The following ZNF148 variants were observed in gnomAD, a reference collection of about 807,000 sequenced individuals.
The protein encoded by ZNF148 is Beta-Enolase Repressor Factor-1.
A neutral mutation model predicts 67.7 loss-of-function variants in ZNF148; 7 were observed. The ratio of observed to expected loss-of-function variants is 0.10; its 90% CI spans 0.06 to 0.19. The LOEUF (loss-of-function observed/expected upper bound fraction) is 0.19. Among genes scored for constraint, ZNF148 ranks in the 10% least tolerant of loss-of-function variants. The pLI, the probability that ZNF148 is intolerant of heterozygous loss-of-function variation, is 1.00. For missense variants in ZNF148, 583 were observed against 947.1 expected (o/e 0.62, Z 5.05); for synonymous variants, 333 against 330.7 (o/e 1.01, Z -0.08).
chr3:125,241,445 GA>G (rs1288776267), intron 7 of ZNF148, among the ~76,000 whole-genome samples: 1 of 151,560 alleles, frequency 6.6e-6, no homozygotes. Flanking sequence ...CAGGTTTCTT[GA>G]CACAACATAA....
intron 4 of ZNF148, among the ~76,000 whole-genome samples, chr3:125,289,785 A>G (rs1456266424): frequency 6.6e-6 from 1 of 152,204 alleles, no homozygotes; most frequent in Non-Finnish European, 1.5e-5. Flanking sequence ...TCTTTTTAGC[A>G]AGTGTCAAGA....
At chr3:125,322,741 C>T (rs1021120436) in intron 3 of ZNF148, among the ~76,000 whole-genome samples, 5 of 152,052 alleles carry the variant, frequency 3.3e-5, no homozygotes, top group Non-Finnish European at 7.4e-5. Context: ...ATATTTCTAC[C>T]TTTATAAGCC....
chr3:125,256,591 G>A (rs556299522), intron 7 of ZNF148, among the ~76,000 whole-genome samples: 6 of 152,220 alleles, frequency 3.9e-5, no homozygotes, highest in East Asian at 1.9e-4. Flanking sequence ...CAGAAGAATC[G>A]CTTGAACCCA....
Position 125,229,226 on chromosome 3 carries a change from G to A in ZNF148, c.*3115C>T, listed in dbSNP as rs1935754879. On this transcript the variant is annotated 3_prime_UTR_variant, in exon 9 of 9. Coordinates refer to ENST00000360647, the MANE Select transcript of ZNF148 (RefSeq NM_021964.3). ...GGCCTTTTTTTTTTTTTTTTAAACA[G>A]CCCTTTAAAAACCCAAATTAATCAA... 1 of 136,516 alleles carries A rather than the reference G, an allele frequency of 7.3e-6. No individual in the cohort carries two copies. Among genetic ancestry groups the A allele is most frequent in the African/African-American group, 2.8e-5 (1 of 36,170 alleles). The allele number at this position is 136,516 out of a possible 1,614,324, so 8.5% of individuals were successfully genotyped here.
In ZNF148 at chr3:125,232,090, G is replaced by A; in HGVS notation, c.*251C>T. The A allele has an allele frequency of 2.6e-6, 1 of 379,720 alleles. No individual in the cohort carries two copies. 23.5% of individuals were successfully genotyped at this position (379,720 alleles called of 1,614,324 possible). A position where few individuals can be genotyped will look rare whatever the true frequency, so the allele number is the denominator to read the frequency against. ...TTTTCCTTTTTAACTTGGTGTGGGTGGAATAGCAAGTTTCTGATCTAAAAC... is the reference window on the plus strand; with the variant it reads ...TTTTCCTTTTTAACTTGGTGTGGGTAGAATAGCAAGTTTCTGATCTAAAAC... On this transcript the variant is annotated 3_prime_UTR_variant, in exon 9 of 9. Transcript: ENST00000360647. The surrounding 1 kb of genome is among the most constrained non-coding windows in gnomAD (Gnocchi z 4.2).
chr3:125,308,535 A>C lies in ZNF148; in HGVS notation c.333+4773T>G, dbSNP rs575644182. ...TCAGTTGACTTTTCTATAAAAAAAA[A>C]AAAAACAAAAACCTAAAAGGTGGAT... On this transcript the variant is annotated intron_variant, in intron 4 of 8. Coordinates refer to ENST00000360647, the MANE Select transcript of ZNF148 (RefSeq NM_021964.3). 1.8e-4 allele frequency among the ~76,000 whole-genome samples: 22 copies of C among 123,600 alleles called. No homozygotes were observed. In the East Asian group the frequency reaches 4.1e-3, roughly 23 times the overall value. 81.1% of individuals were successfully genotyped at this position (123,600 alleles called of 152,430 possible). A position where few individuals can be genotyped will look rare whatever the true frequency, so the allele number is the denominator to read the frequency against.
chr3:125,285,479 C>G (rs979425834), intron 5 of ZNF148, among the ~76,000 whole-genome samples: 2 of 152,014 alleles, frequency 1.3e-5, no homozygotes, highest in Non-Finnish European at 1.5e-5. Context: ...GGTTAAAAAA[C>G]AGTCCAAAAC....
At chr3:125,350,186 G>A (rs1365638009) in intron 1 of ZNF148, among the ~76,000 whole-genome samples, 1 of 151,864 alleles carries the variant, frequency 6.6e-6, no homozygotes, top group African/African-American at 2.4e-5. Flanking sequence ...TTGAGACAGA[G>A]TCTCACTCTG....
intron 7 of ZNF148, among the ~76,000 whole-genome samples, chr3:125,272,068 C>T (rs1240577601): frequency 1.3e-5 from 2 of 152,164 alleles, no homozygotes; most frequent in Non-Finnish European, 2.9e-5. Context: ...ACCTATGGTT[C>T]CTGTGATGAC....
chr3:125,369,974 C>A (rs1029830921), intron 1 of ZNF148, among the ~76,000 whole-genome samples: 4 of 150,144 alleles, frequency 2.7e-5, no homozygotes, highest in African/African-American at 7.5e-5. Flanking sequence ...CAGAGCAAGA[C>A]CCCGTCTCAA....
intron 1 of ZNF148, among the ~76,000 whole-genome samples, chr3:125,366,078 G>C (rs888832902): frequency 6.6e-6 from 1 of 152,024 alleles, no homozygotes; most frequent in Non-Finnish European, 1.5e-5. Flanking sequence ...TCTAATATAC[G>C]GTCCTTGGCT....
At chr3:125,333,729 T>C (rs1453083191) in intron 1 of ZNF148, among the ~76,000 whole-genome samples, 2 of 152,204 alleles carry the variant, frequency 1.3e-5, no homozygotes, top group Non-Finnish European at 2.9e-5. Flanking sequence ...TAATCTTTGA[T>C]TATAAACACT....
intron 7 of ZNF148, among the ~76,000 whole-genome samples, chr3:125,235,239 G>C (rs1399251276): frequency 6.6e-6 from 1 of 152,122 alleles, no homozygotes; most frequent in Non-Finnish European, 1.5e-5. Context: ...AAAAGTATAA[G>C]ACATACTACT....
chr3:125,317,744 T>A (rs953033766), intron 3 of ZNF148, among the ~76,000 whole-genome samples: 1 of 148,916 alleles, frequency 6.7e-6, no homozygotes, highest in African/African-American at 2.5e-5. Flanking sequence ...GAAACTTACC[T>A]GGAATTTGGA....
intron 1 of ZNF148, among the ~76,000 whole-genome samples, chr3:125,350,852 T>C (rs1171410960): frequency 6.6e-6 from 1 of 152,202 alleles, no homozygotes; most frequent in African/African-American, 2.4e-5. Flanking sequence ...TGGAACATTA[T>C]TCATCCTTAA....
intron 1 of ZNF148, among the ~76,000 whole-genome samples, chr3:125,342,932 A>G (rs2107739086): frequency 6.6e-6 from 1 of 152,334 alleles, no homozygotes; most frequent in Non-Finnish European, 1.5e-5. Context: ...ATAATAACCA[A>G]AACAGCCACT....
chr3:125,332,751 C>G (rs1941341016), intron 1 of ZNF148, among the ~76,000 whole-genome samples: 2 of 152,158 alleles, frequency 1.3e-5, no homozygotes, highest in Non-Finnish European at 1.5e-5. Context: ...GCTCTCCAAA[C>G]CTCTCCTGGT....
At chr3:125,371,817 C>G (rs1366239203) in intron 1 of ZNF148, among the ~76,000 whole-genome samples, 1 of 152,082 alleles carries the variant, frequency 6.6e-6, no homozygotes, top group African/African-American at 2.4e-5. Flanking sequence ...GTAATCCCAG[C>G]ATTTTGGGAG....
In ZNF148 at chr3:125,356,053, C is replaced by G. The variant is rs1405766113; in HGVS notation, c.-234+19049G>C. Among the ~76,000 whole-genome samples, 4 of 152,078 alleles carry G rather than the reference C, an allele frequency of 2.6e-5. No homozygotes were observed. In the East Asian group the frequency reaches 7.7e-4, roughly 29 times the overall value. ...CACTCGCATGAAAAATATATCTTCCCCCCGTTAAAAACCATAAGCATCTGC... is the reference window on the plus strand; with the variant it reads ...CACTCGCATGAAAAATATATCTTCCGCCCGTTAAAAACCATAAGCATCTGC... On this transcript the variant is annotated intron_variant, in intron 1 of 8. Transcript: ENST00000360647.
Sources: allele counts gnomAD v4.1 joint callset (sites outside exome capture counted in the v4.1 genomes callset), GRCh38; gene constraint gnomAD v4.1.1; non-coding constraint Gnocchi (gnomAD v3.1); transcripts MANE v1.5; gene names NCBI Gene and HGNC (gene_info 2026-07-23, HGNC 2026-07-21).